HIVEP1: variants seen among roughly 807,000 people sequenced by gnomAD.
HIVEP1 encodes the protein HIVEP zinc finger 1.
A neutral mutation model predicts 180.0 loss-of-function variants in HIVEP1; 36 were observed. That is an observed-to-expected ratio of 0.20 (90% CI 0.15 to 0.26). HIVEP1 has a LOEUF of 0.26. Among genes scored for constraint, HIVEP1 ranks in the 10% least tolerant of loss-of-function variants. The pLI, the probability that HIVEP1 is intolerant of heterozygous loss-of-function variation, is 1.00. For missense variants in HIVEP1, 3,143 were observed against 3,268.7 expected, an observed-to-expected ratio of 0.96 and a Z score of 0.94; for synonymous variants, 1,239 against 1,239.0, an observed-to-expected ratio of 1.00 and a Z score of 0.00.
At position 12,135,908 on chromosome 6, in the gene HIVEP1, A is replaced by T; in HGVS notation, c.6487+16A>T. The T allele has an allele frequency of 1.3e-6, 2 of 1,483,688 alleles. No individual in the cohort carries two copies. Among genetic ancestry groups the T allele is most frequent in the Non-Finnish European group, 1.9e-6 (2 of 1,067,602 alleles). 91.9% of individuals were successfully genotyped at this position (1,483,688 alleles called of 1,614,324 possible). A position where few individuals can be genotyped will look rare whatever the true frequency, so the allele number is the denominator to read the frequency against. ...GAAGAATCAGGTAAGGCTTTATACCATATTTTTCATAAATGCTATTTATAA... is the reference window on the plus strand; with the variant it reads ...GAAGAATCAGGTAAGGCTTTATACCTTATTTTTCATAAATGCTATTTATAA... On this transcript the variant is annotated intron_variant, in intron 7 of 8. Coordinates refer to ENST00000379388, the MANE Select transcript of HIVEP1 (RefSeq NM_002114.4).
chr6:12,020,041 T>C (rs1425923546), intron 2 of HIVEP1, among the ~76,000 whole-genome samples: 2 of 152,174 alleles, frequency 1.3e-5, no homozygotes, highest in South Asian at 2.1e-4. Context: ...TCTTTGCTCT[T>C]AGAGGTTGTT....
chr6:12,066,297 A>T (rs1771579032), intron 2 of HIVEP1, among the ~76,000 whole-genome samples: 1 of 152,242 alleles, frequency 6.6e-6, no homozygotes, highest in Admixed American at 6.5e-5. Context: ...CTTGTTAAGT[A>T]TCCAAATAAT....
In HIVEP1 at chr6:12,125,001, C is replaced by G; in HGVS notation, c.5206C>G (p.Pro1736Ala). Reference sequence around the variant, plus strand: ...GAAAATATCTGTTGGTCGACTTTCCCCTCAACAAGAATCTTCAGCTTCGAG... The same window carrying G: ...GAAAATATCTGTTGGTCGACTTTCCGCTCAACAAGAATCTTCAGCTTCGAG... ...TQKISVGRLS[P>A]QQESSASSKR... Residue 1736 changes from proline (P) to alanine (A), a missense_variant, in exon 4 of 9, where the codon CCT becomes GCT. Physicochemically the swap from Pro to Ala is conservative, Grantham distance 27 (BLOSUM62 -1). Around this residue, in one of 12 missense-constraint regions of HIVEP1, gnomAD observed 1,357 missense variants for 1,260.5 expected, o/e 1.08. Coordinates refer to ENST00000379388, the MANE Select transcript of HIVEP1 (RefSeq NM_002114.4). 1.2e-6 allele frequency: 2 copies of G among 1,614,120 alleles called. No individual in the cohort carries two copies. Among genetic ancestry groups the G allele is most frequent in the Non-Finnish European group, 1.7e-6 (2 of 1,180,014 alleles).
intron 2 of HIVEP1, among the ~76,000 whole-genome samples, chr6:12,081,278 A>G (rs147450803): frequency 8.1e-4 from 123 of 152,288 alleles, no homozygotes; most frequent in Non-Finnish European, 1.6e-3. Context: ...CAGATTGCCT[A>G]GTTCCTGTTC....
chr6:12,132,062 A>G (rs1487642018), intron 6 of HIVEP1, among the ~76,000 whole-genome samples: 1 of 152,142 alleles, frequency 6.6e-6, no homozygotes, highest in African/African-American at 2.4e-5. Context: ...TATTCTTCAT[A>G]TGGCTTTGAA....
At chr6:12,211,256 C>T in the HIVEP1 span, among the ~76,000 whole-genome samples, 5 of 98,196 alleles carry the variant, frequency 5.1e-5, 2 homozygotes, top group South Asian at 1.3e-3. Context: ...AAAAATTAGC[C>T]GGGCGTGGTG....
At chr6:12,160,975 C>T (rs537525155) in intron 7 of HIVEP1, among the ~76,000 whole-genome samples, 1 of 152,254 alleles carries the variant, frequency 6.6e-6, no homozygotes, top group African/African-American at 2.4e-5. Context: ...GTATGTTGCT[C>T]ACAGATACCA....
At chr6:12,205,194 GGGCGC>G in the HIVEP1 span, among the ~76,000 whole-genome samples, 6 of 152,148 alleles carry the variant, frequency 3.9e-5, no homozygotes, top group Admixed American at 1.3e-4. Flanking sequence ...CAAAGCGGCT[GGGCGC>G]GGTGGCTCAT....
chr6:12,119,813 A>G, intron 3 of HIVEP1, 77 bp from the exon 4 acceptor site: 1 of 905,556 alleles, frequency 1.1e-6, no homozygotes, highest in Non-Finnish European at 1.7e-6. Flanking sequence ...TATGATAGTA[A>G]TCTTAATTTT....
At chr6:12,019,515 G>T (rs535723048) in intron 2 of HIVEP1, among the ~76,000 whole-genome samples, 1 of 152,206 alleles carries the variant, frequency 6.6e-6, no homozygotes, top group Non-Finnish European at 1.5e-5. Context: ...AATGCGGGGA[G>T]AGGAAATTGG....
intron 4 of HIVEP1, among the ~76,000 whole-genome samples, chr6:12,129,046 T>C (rs1254163304): frequency 6.6e-6 from 1 of 151,922 alleles, no homozygotes; most frequent in African/African-American, 2.4e-5. Flanking sequence ...CCCCCATTTC[T>C]ATAAAATTTT....
chr6:12,188,231 G>A, the HIVEP1 span, among the ~76,000 whole-genome samples: 7 of 152,180 alleles, frequency 4.6e-5, no homozygotes, highest in Non-Finnish European at 1.0e-4. Flanking sequence ...GTGATGCAAT[G>A]ATATCTCCAT....
At chr6:12,039,843 C>T (rs1239818073) in intron 2 of HIVEP1, among the ~76,000 whole-genome samples, 4 of 152,162 alleles carry the variant, frequency 2.6e-5, no homozygotes, top group Non-Finnish European at 4.4e-5. Context: ...CACCCATGAG[C>T]AGCCTGGATC....
At chr6:12,144,098 G>A (rs979271732) in intron 7 of HIVEP1, among the ~76,000 whole-genome samples, 9 of 152,198 alleles carry the variant, frequency 5.9e-5, no homozygotes, top group African/African-American at 1.9e-4. Context: ...AAGGAACAAA[G>A]CTGGAGGCAT....
chr6:12,106,984 T>A (rs908404506), intron 3 of HIVEP1, among the ~76,000 whole-genome samples: 2 of 152,260 alleles, frequency 1.3e-5, no homozygotes, highest in Non-Finnish European at 2.9e-5. Context: ...GTTTTTCAGG[T>A]ATCTTTCTGC....
In HIVEP1 at chr6:12,125,723, T is replaced by A; in HGVS notation, c.5928T>A (p.Asn1976Lys). ...GGACAGTAAGCGCCAGTAATCCAAATCCACTCGGTTTGCCCACAAAAGTTG... is the reference window on the plus strand; with the variant it reads ...GGACAGTAAGCGCCAGTAATCCAAAACCACTCGGTTTGCCCACAAAAGTTG... ...TDWTVSASNPNPLGLPTKVAL... is the reference protein window; with the variant it reads ...TDWTVSASNPKPLGLPTKVAL... Residue 1976 changes from asparagine (N) to lysine (K), a missense_variant, in exon 4 of 9, where the codon AAT (asparagine) becomes AAA (lysine). Asn to Lys is a moderately conservative substitution (Grantham distance 94). Transcript: ENST00000379388. The A allele has an allele frequency of 1.2e-6, 2 of 1,614,188 alleles. No homozygotes were observed. Among genetic ancestry groups the A allele is most frequent in the Non-Finnish European group, 1.7e-6 (2 of 1,180,042 alleles).
At chr6:12,041,591 G>T (rs1215239057) in intron 2 of HIVEP1, among the ~76,000 whole-genome samples, 3 of 149,550 alleles carry the variant, frequency 2.0e-5, no homozygotes, top group African/African-American at 7.4e-5. Flanking sequence ...ATTTTAATTT[G>T]TTAATTTGTT....
chr6:12,029,059 C>T (rs1768766729), intron 2 of HIVEP1, among the ~76,000 whole-genome samples: 1 of 152,172 alleles, frequency 6.6e-6, no homozygotes, highest in Non-Finnish European at 1.5e-5. Flanking sequence ...ATAATATTCT[C>T]TTATATAAAT....
Position 12,122,629 on chromosome 6 carries a change from A to G in HIVEP1, c.2834A>G (p.His945Arg), listed in dbSNP as rs1757751048. The change falls in exon 4 of 9, where the codon CAT (histidine) becomes CGT (arginine). Residue 945 changes from histidine (H) to arginine (R), a missense_variant. Around this residue, in one of 12 missense-constraint regions of HIVEP1, gnomAD observed 204 missense variants for 243.7 expected, o/e 0.84. Transcript: ENST00000379388. ...VRSKALAQGP[H>R]IEKKKSHQGR... ...AGCAAGGCACTGGCACAAGGCCCAC[A>G]TATAGAAAAAAAGAAGTCTCATCAA... 14 of 1,614,072 alleles carry G rather than the reference A, an allele frequency of 8.7e-6. No individual in the cohort carries two copies. Among genetic ancestry groups the G allele is most frequent in the Non-Finnish European group, 1.1e-5 (13 of 1,180,014 alleles).
Sources: gnomAD v4.1 joint callset for allele counts (sites outside exome capture counted in the v4.1 genomes callset) on GRCh38, gnomAD v4.1.1 for gene constraint, gnomAD v4.1.1 regional missense constraint, MANE v1.5 for transcripts, NCBI Gene and HGNC (gene_info 2026-07-23, HGNC 2026-07-21) for gene names.